Variants in MEI4 observed in about 807,000 individuals in gnomAD.
MEI4 encodes the protein meiotic double-stranded break formation protein 4, also known as meiosis-specific protein MEI4.
A neutral mutation model predicts 31.4 loss-of-function variants in MEI4; 27 were observed. The observed-to-expected ratio is 0.86, with a 90% CI of 0.63 to 1.19. MEI4 has a LOEUF of 1.19. Ranked by LOEUF, MEI4 falls within the 50% of genes most tolerant of loss-of-function variation. MEI4 has a pLI of 0.00. For synonymous variants in MEI4, 122 were observed against 145.4 expected (o/e 0.84, Z 1.16); for missense variants, 329 against 398.9 (o/e 0.82, Z 1.49).
intron 3 of MEI4, among the ~76,000 whole-genome samples, chr6:77,792,955 G>A (rs988612211): frequency 5.3e-5 from 8 of 151,872 alleles, no homozygotes; most frequent in Non-Finnish European, 7.4e-5. Context: ...CTCGTGATCC[G>A]CCTGCCTCAG....
chr6:77,830,572 C>T (rs1770054429), intron 4 of MEI4, among the ~76,000 whole-genome samples: 1 of 151,930 alleles, frequency 6.6e-6, no homozygotes, highest in Admixed American at 6.6e-5. Flanking sequence ...AGCAATAACA[C>T]AATAACAATA....
chr6:77,922,474 C>A (rs544915099), intron 4 of MEI4, among the ~76,000 whole-genome samples: 1 of 151,738 alleles, frequency 6.6e-6, no homozygotes, highest in East Asian at 2.0e-4. Context: ...GCCATTCTCT[C>A]ATTTTATGCT....
intron 3 of MEI4, among the ~76,000 whole-genome samples, chr6:77,787,979 C>T (rs1043224349): frequency 9.2e-5 from 14 of 152,130 alleles, no homozygotes; most frequent in Non-Finnish European, 4.4e-5. Flanking sequence ...TGTTGTGTCT[C>T]TGCCAGGCTT....
At position 77,787,921 on chromosome 6, in the gene MEI4, A is replaced by G. The variant is rs543855296; in HGVS notation, c.768+26256A>G. Among the ~76,000 whole-genome samples the G allele has an allele frequency of 3.3e-5, 5 of 152,206 alleles. No homozygotes were observed. The South Asian group carries it at 8.3e-4, about 25-fold the overall frequency. On this transcript the variant is annotated intron_variant, in intron 3 of 4. Coordinates refer to ENST00000684080, the MANE Select transcript of MEI4 (RefSeq NM_001322247.2). ...TGGATTTGGTTTGCCAATATTGAGG[A>G]TTTTTGCATCGATGTTCATCAGGGA...
At position 77,862,548 on chromosome 6, in the gene MEI4, G is replaced by A. The variant is rs2220062; in HGVS notation, c.900+33486G>A. Among the ~76,000 whole-genome samples the A allele has an allele frequency of 6.7e-3, 1,028 of 152,302 alleles. 39 individuals carry two copies. The highest frequency in any genetic ancestry group is 0.056 in the Admixed American group (859 of 15,296). ...GGGGAGGGGCACCTGCCATTGCACC[G>A]AGGCTTGAGTAGGTAAACAAAGCAG... On this transcript the variant is annotated intron_variant, in intron 4 of 4. Transcript: ENST00000684080.
intron 4 of MEI4, among the ~76,000 whole-genome samples, chr6:77,922,739 A>C (rs1346891759): frequency 1.3e-5 from 2 of 151,704 alleles, no homozygotes; most frequent in African/African-American, 4.8e-5. Flanking sequence ...TGAATTCAAA[A>C]GTTTTGGCAA....
At chr6:77,770,583 A>G (rs1298460264) in intron 3 of MEI4, among the ~76,000 whole-genome samples, 1 of 151,952 alleles carries the variant, frequency 6.6e-6, no homozygotes, top group Admixed American at 6.6e-5. Context: ...TGGAGGCATC[A>G]CGTTACCTGT....
intron 4 of MEI4, among the ~76,000 whole-genome samples, chr6:77,860,882 G>C (rs780067566): frequency 6.6e-6 from 1 of 151,884 alleles, no homozygotes; most frequent in Non-Finnish European, 1.5e-5. Context: ...TCTATTTCTT[G>C]AACGTGTTCC....
chr6:77,875,777 A>G (rs955147094), intron 4 of MEI4, among the ~76,000 whole-genome samples: 1 of 152,236 alleles, frequency 6.6e-6, no homozygotes, highest in African/African-American at 2.4e-5. Flanking sequence ...GGTAAAATGC[A>G]TATCATATAG....
intron 2 of MEI4, among the ~76,000 whole-genome samples, chr6:77,708,921 C>T (rs902165456): frequency 1.3e-5 from 2 of 152,076 alleles, no homozygotes; most frequent in African/African-American, 2.4e-5. Context: ...AACTTATTTT[C>T]TTTATAAATT....
At chr6:77,805,076 A>C (rs1251421970) in intron 3 of MEI4, among the ~76,000 whole-genome samples, 2 of 152,182 alleles carry the variant, frequency 1.3e-5, no homozygotes, top group Non-Finnish European at 2.9e-5. Context: ...AATACAATCA[A>C]GTAATAGAAG....
At chr6:77,831,784 G>A (rs9350735) in intron 4 of MEI4, among the ~76,000 whole-genome samples, 31,514 of 151,726 alleles carry the variant, frequency 0.21, 3,810 homozygotes, top group African/African-American at 0.34. Flanking sequence ...TAATGAGTAC[G>A]AAAATACGGT....
chr6:77,922,434 A>T (rs1035499177), intron 4 of MEI4, among the ~76,000 whole-genome samples: 2 of 151,676 alleles, frequency 1.3e-5, no homozygotes, highest in Admixed American at 6.6e-5. Flanking sequence ...AGCTAATGAT[A>T]AAGCCAGTTT....
intron 3 of MEI4, among the ~76,000 whole-genome samples, chr6:77,786,224 A>G (rs1280455498): frequency 1.3e-5 from 2 of 152,098 alleles, no homozygotes; most frequent in African/African-American, 4.8e-5. Flanking sequence ...AATTACATAT[A>G]TATATATCAA....
chr6:77,813,602 A>G (rs1769624682), intron 3 of MEI4, among the ~76,000 whole-genome samples: 1 of 151,786 alleles, frequency 6.6e-6, no homozygotes, highest in Non-Finnish European at 1.5e-5. Flanking sequence ...TCTTTCCACC[A>G]TCATGTCATC....
Position 77,653,798 on chromosome 6 carries a change from A to C in MEI4, c.-15+706A>C, listed in dbSNP as rs564153193. Among the ~76,000 whole-genome samples, 149 of 152,306 alleles carry C rather than the reference A, an allele frequency of 9.8e-4. No homozygotes were observed. In the Middle Eastern group the frequency reaches 0.014, roughly 14 times the overall value. On this transcript the variant is annotated intron_variant, in intron 1 of 4. Transcript: ENST00000684080. Reference sequence around the variant, plus strand: ...GTCACCTGCCTTTACAAGGAAAGGAAGTGAAAATAAATATTATAGTGGTAG... The same window carrying C: ...GTCACCTGCCTTTACAAGGAAAGGACGTGAAAATAAATATTATAGTGGTAG...
intron 4 of MEI4, among the ~76,000 whole-genome samples, chr6:77,895,382 C>T (rs1440346190): frequency 6.6e-6 from 1 of 152,102 alleles, no homozygotes; most frequent in Non-Finnish European, 1.5e-5. Context: ...CTCCTTGTCT[C>T]AATGCATCAT....
chr6:77,686,273 A>T (rs890175651), intron 1 of MEI4, among the ~76,000 whole-genome samples: 4 of 152,306 alleles, frequency 2.6e-5, no homozygotes, highest in African/African-American at 9.6e-5. Flanking sequence ...ACTAGTGCAT[A>T]TAGAAAAGTA....
At chr6:77,711,203 C>T (rs1766457492) in intron 2 of MEI4, among the ~76,000 whole-genome samples, 1 of 152,006 alleles carries the variant, frequency 6.6e-6, no homozygotes, top group African/African-American at 2.4e-5. Flanking sequence ...TAATAATGTT[C>T]CATATCCATG....
Sources: gnomAD v4.1 joint callset for allele counts (sites outside exome capture counted in the v4.1 genomes callset) on GRCh38, gnomAD v4.1.1 for gene constraint, MANE v1.5 for transcripts, NCBI Gene and HGNC (gene_info 2026-07-23, HGNC 2026-07-21) for gene names.